Variants in IPO11 observed in about 807,000 individuals in gnomAD.
The protein encoded by IPO11 is importin 11.
IPO11 carries 66 observed loss-of-function variants against 143.2 expected under a neutral mutation model. The observed-to-expected ratio is 0.46, with a 90% CI of 0.38 to 0.57. IPO11 has a LOEUF of 0.57. Among genes scored for constraint, IPO11 ranks in the 20% least tolerant of loss-of-function variants. IPO11 has a pLI of 0.00. For missense variants in IPO11, 1,026 were observed against 1,141.0 expected (o/e 0.90, Z 1.45); for synonymous variants, 385 against 377.8 (o/e 1.02, Z -0.22).
chr5:62,570,372 G>A (rs1744096676), intron 27 of IPO11, among the ~76,000 whole-genome samples: 1 of 152,066 alleles, frequency 6.6e-6, no homozygotes, highest in African/African-American at 2.4e-5. Context: ...CCTATGTTAG[G>A]ATTTGAATGG....
At chr5:62,496,086 G>C (rs1305369609) in intron 16 of IPO11, among the ~76,000 whole-genome samples, 1 of 152,080 alleles carries the variant, frequency 6.6e-6, no homozygotes. Flanking sequence ...TCAGGAGTTT[G>C]AGACCAGCCT....
intron 26 of IPO11, among the ~76,000 whole-genome samples, chr5:62,559,556 C>T (rs1332539866): frequency 6.6e-6 from 1 of 151,988 alleles, no homozygotes; most frequent in East Asian, 1.9e-4. Flanking sequence ...GAATAGATTC[C>T]ATCTTAAGAA....
At chr5:62,463,477 A>T (rs1307068387) in intron 5 of IPO11, among the ~76,000 whole-genome samples, 1 of 151,930 alleles carries the variant, frequency 6.6e-6, no homozygotes, top group Non-Finnish European at 1.5e-5. Context: ...CAGGCTGGGC[A>T]ACACAGTGAG....
intron 1 of IPO11, among the ~76,000 whole-genome samples, chr5:62,428,246 T>C (rs543196775): frequency 6.6e-4 from 101 of 152,302 alleles, no homozygotes; most frequent in African/African-American, 2.3e-3. Flanking sequence ...CCGAGGCTGA[T>C]CTTGAACTCC....
chr5:62,497,165 A>G (rs1287149000), intron 16 of IPO11, among the ~76,000 whole-genome samples: 3 of 152,166 alleles, frequency 2.0e-5, no homozygotes, highest in Admixed American at 6.5e-5. Flanking sequence ...TTAGAAGGAG[A>G]CTGGCTGTGA....
At chr5:62,436,745 T>C (rs893418493) in intron 1 of IPO11, among the ~76,000 whole-genome samples, 6 of 152,046 alleles carry the variant, frequency 3.9e-5, no homozygotes, top group Admixed American at 3.9e-4. Context: ...TTAAAATGAT[T>C]TGGAGATGCA....
intron 27 of IPO11, among the ~76,000 whole-genome samples, chr5:62,586,759 AAAAAAAAAAATATATATAT>A (rs1744791496): frequency 1.1e-5 from 1 of 91,590 alleles, no homozygotes; most frequent in Admixed American, 1.2e-4. Flanking sequence ...CTCCAAAAAA[AAAAAAAAAAATATATATAT>A]ATATATATAT....
chr5:62,555,022 T>C (rs1352493589), intron 26 of IPO11, among the ~76,000 whole-genome samples: 1 of 152,216 alleles, frequency 6.6e-6, no homozygotes, highest in Non-Finnish European at 1.5e-5. Flanking sequence ...GCTTATGTAA[T>C]ATATTTTGAA....
chr5:62,564,063 T>C (rs1219762984), intron 27 of IPO11, among the ~76,000 whole-genome samples: 1 of 152,192 alleles, frequency 6.6e-6, no homozygotes, highest in African/African-American at 2.4e-5. Flanking sequence ...TTTTTAAGGG[T>C]ACTGAGAAAG....
chr5:62,591,798 A>G (rs1411488476), intron 28 of IPO11, 126 bp downstream of exon 28: 1 of 546,082 alleles, frequency 1.8e-6, no homozygotes, highest in Non-Finnish European at 3.1e-6. Context: ...TTTATACAGA[A>G]ACGTTTTTGT....
intron 26 of IPO11, among the ~76,000 whole-genome samples, chr5:62,559,124 T>C (rs558784970): frequency 2.6e-5 from 4 of 152,276 alleles, no homozygotes; most frequent in African/African-American, 9.6e-5. Context: ...TGAAGGCTGC[T>C]GGCTGATCAG....
intron 29 of IPO11, among the ~76,000 whole-genome samples, chr5:62,625,731 C>G (rs930227880): frequency 4.6e-5 from 7 of 152,206 alleles, no homozygotes; most frequent in African/African-American, 1.4e-4. Flanking sequence ...TTGGAGACAT[C>G]AGCTTTTATC....
At chr5:62,565,702 A>G (rs1743911913) in intron 27 of IPO11, among the ~76,000 whole-genome samples, 1 of 151,918 alleles carries the variant, frequency 6.6e-6, no homozygotes, top group African/African-American at 2.4e-5. Flanking sequence ...CAGAACGTGT[A>G]GGTTTCAGCC....
chr5:62,571,474 T>G (rs536415649), intron 27 of IPO11, among the ~76,000 whole-genome samples: 1 of 152,250 alleles, frequency 6.6e-6, no homozygotes, highest in Non-Finnish European at 1.5e-5. Flanking sequence ...TTGTTTCTAC[T>G]GTTAAATCAA....
Position 62,547,227 on chromosome 5 carries a change from G to T in IPO11, c.2251-3140G>T, listed in dbSNP as rs1743234845. Among the ~76,000 whole-genome samples the T allele has an allele frequency of 2.0e-5, 3 of 152,076 alleles. No homozygotes were observed. In the South Asian group the frequency reaches 6.2e-4, roughly 32 times the overall value. ...TATTGTCATCAGTAATATTGGTATT[G>T]TTATTTTGAAACTCATATGTGTATA... On this transcript the variant is annotated intron_variant, in intron 24 of 29. Transcript: ENST00000325324.
At chr5:62,483,024 TATAATTG>T (rs2112223143) in intron 9 of IPO11, 70 bp from the exon 10 acceptor site, 1 of 926,708 alleles carries the variant, frequency 1.1e-6, no homozygotes, top group East Asian at 2.7e-5. Flanking sequence ...TTAGTAAAGT[TATAATTG>T]GAGTGATTAT....
At chr5:62,546,210 T>A (rs1473212499) in intron 24 of IPO11, among the ~76,000 whole-genome samples, 10 of 152,198 alleles carry the variant, frequency 6.6e-5, no homozygotes, top group South Asian at 2.1e-4. Flanking sequence ...AATGTCCATC[T>A]ATGATAGACT....
chr5:62,480,203 C>T lies in IPO11; in HGVS notation c.829-2898C>T, dbSNP rs544788778. On this transcript the variant is annotated intron_variant, in intron 9 of 29. Coordinates refer to ENST00000325324, the MANE Select transcript of IPO11 (RefSeq NM_016338.5). ...ACCATTTATTCAATAGGAATCCTTTCGCCATTTCTTGTTTTTGTCAGGTTT... is the reference window on the plus strand; with the variant it reads ...ACCATTTATTCAATAGGAATCCTTTTGCCATTTCTTGTTTTTGTCAGGTTT... 2.3e-3 allele frequency among the ~76,000 whole-genome samples: 348 copies of T among 152,290 alleles called. 1 individual carries two copies. The highest frequency in any genetic ancestry group is 7.9e-3 in the African/African-American group (328 of 41,544).
chr5:62,587,230 A>G (rs1453282677), intron 27 of IPO11, among the ~76,000 whole-genome samples: 1 of 152,100 alleles, frequency 6.6e-6, no homozygotes, highest in Non-Finnish European at 1.5e-5. Flanking sequence ...AAGCAGGGGA[A>G]TGGTTTAGTA....
Sources: gnomAD v4.1 joint callset for allele counts (sites outside exome capture counted in the v4.1 genomes callset) on GRCh38, gnomAD v4.1.1 for gene constraint, MANE v1.5 for transcripts, NCBI Gene and HGNC (gene_info 2026-07-23, HGNC 2026-07-21) for gene names.